The following PFDN1 variants were observed in gnomAD, a reference collection of about 807,000 sequenced individuals.
PFDN1 encodes prefoldin 1.
Under a neutral mutation model 17.3 loss-of-function variants are expected in PFDN1, and 6 were observed. That is an observed-to-expected ratio of 0.35 (90% confidence interval 0.19 to 0.69). PFDN1 has a LOEUF of 0.69. Among genes scored for constraint, PFDN1 ranks in the 30% least tolerant of loss-of-function variants. The pLI is 0.65. For missense variants in PFDN1, 113 were observed against 146.2 expected (o/e 0.77, Z 1.17); for synonymous variants, 58 against 50.1 (o/e 1.16, Z -0.67).
intron 2 of PFDN1, among the ~76,000 whole-genome samples, chr5:140,288,779 G>A (rs1008401156): frequency 6.6e-6 from 1 of 152,058 alleles, no homozygotes; most frequent in East Asian, 1.9e-4. Context: ...GAGGTCTGTA[G>A]TTCGACACCA....
chr5:140,277,280 TGA>T (rs1211649342), intron 3 of PFDN1, among the ~76,000 whole-genome samples: 1 of 151,102 alleles, frequency 6.6e-6, no homozygotes, highest in Non-Finnish European at 1.5e-5. Flanking sequence ...TGGTTTTACA[TGA>T]GAGAGTAATA....
At chr5:140,280,008 A>C (rs1174349667) in intron 3 of PFDN1, among the ~76,000 whole-genome samples, 1 of 143,604 alleles carries the variant, frequency 7.0e-6, no homozygotes, top group Non-Finnish European at 1.5e-5. Context: ...AAAAAAAAAA[A>C]AAAAACAAAA....
chr5:140,279,943 C>T (rs1231448589), intron 3 of PFDN1, among the ~76,000 whole-genome samples: 2 of 128,758 alleles, frequency 1.6e-5, no homozygotes, highest in African/African-American at 3.0e-5. Flanking sequence ...AGCAGTGAGC[C>T]GAGATCACAC....
At chr5:140,281,154 TG>T (rs1453446439) in intron 3 of PFDN1, 2 of 225,720 alleles carry the variant, frequency 8.9e-6, no homozygotes, top group African/African-American at 2.3e-5. Flanking sequence ...TTTATGGTTT[TG>T]TTTTTTTTAA....
rs767794566 is a variant in PFDN1, at chr5:140,300,519, G to A, written c.97C>T (p.Gln33Ter). 1.2e-6 allele frequency: 2 copies of A among 1,612,854 alleles called. No homozygotes were observed. Among genetic ancestry groups the A allele is most frequent in the Non-Finnish European group, 1.7e-6 (2 of 1,179,144 alleles). The change falls in exon 2 of 4, where the codon CAG (glutamine) becomes TAG (stop). Residue 33 changes from glutamine (Q) to a stop codon, truncating the protein, a stop_gained. Coordinates refer to ENST00000261813, the MANE Select transcript of PFDN1 (RefSeq NM_002622.5). LOFTEE classifies it high-confidence loss of function. Reference protein sequence around the residue: ...TQQKVKLADIQIEQLNRTKKH... With the variant: ...TQQKVKLADI ...TTCGTTCTGTTTAGCTGTTCAATCTGTATGTCTGCGAGCTTCACCTTCTGT... is the reference window on the plus strand; with the variant it reads ...TTCGTTCTGTTTAGCTGTTCAATCTATATGTCTGCGAGCTTCACCTTCTGT...
intron 3 of PFDN1, among the ~76,000 whole-genome samples, chr5:140,278,641 C>A (rs1321642584): frequency 6.6e-6 from 1 of 151,384 alleles, no homozygotes; most frequent in Non-Finnish European, 1.5e-5. Flanking sequence ...TGAGCACTTG[C>A]CCCCCCAACA....
Position 140,264,020 on chromosome 5 carries a change from C to CA in PFDN1, c.285+17428dup, listed in dbSNP as rs58605224. Among the ~76,000 whole-genome samples the CA allele has an allele frequency of 5.6e-3, 309 of 55,558 alleles. 76 individuals carry two copies. Among genetic ancestry groups the CA allele is most frequent in the Non-Finnish European group, 8.2e-3 (245 of 30,040 alleles). 36.4% of individuals were successfully genotyped at this position (55,558 alleles called of 152,430 possible). A position where few individuals can be genotyped will look rare whatever the true frequency, so the allele number is the denominator to read the frequency against. Reference sequence around the variant, plus strand: ...TGGGGGTCAGAGTGAGACTCCATCTCAAAAAAAAAAAAAAAAAAAAAAAAA... The same window carrying CA: ...TGGGGGTCAGAGTGAGACTCCATCTCAAAAAAAAAAAAAAAAAAAAAAAAAA... On this transcript the variant is annotated intron_variant, in intron 3 of 3. Transcript: ENST00000261813.
At chr5:140,283,110 C>T (rs927985441) in intron 2 of PFDN1, among the ~76,000 whole-genome samples, 3 of 152,208 alleles carry the variant, frequency 2.0e-5, no homozygotes, top group Non-Finnish European at 4.4e-5. Flanking sequence ...TGCCCCAACA[C>T]CTGGAAGGAA....
At chr5:140,262,495 C>T in intron 3 of PFDN1, 1 of 455,988 alleles carries the variant, frequency 2.2e-6, no homozygotes, top group South Asian at 1.5e-5. Context: ...GAATCCATGG[C>T]TATTAGAAAA....
chr5:140,284,105 T>G (rs1193548238), intron 2 of PFDN1, among the ~76,000 whole-genome samples: 3 of 152,000 alleles, frequency 2.0e-5, no homozygotes, highest in Non-Finnish European at 4.4e-5. Context: ...GAGCAGAAAA[T>G]AAAATTACTA....
chr5:140,262,941 A>G (rs1038580881), intron 3 of PFDN1, among the ~76,000 whole-genome samples: 6 of 152,226 alleles, frequency 3.9e-5, no homozygotes, highest in Non-Finnish European at 8.8e-5. Context: ...CTTGCTGGCA[A>G]TATGCTCAAT....
chr5:140,245,381 C>G lies in PFDN1; in HGVS notation c.*593G>C. On this transcript the variant is annotated 3_prime_UTR_variant, in exon 4 of 4. Coordinates refer to ENST00000261813, the MANE Select transcript of PFDN1 (RefSeq NM_002622.5). ...AAGGAATCTTTAGGCAGACTGCCATCCAGGGACTGCTATTCTGTTCACTGA... is the reference window on the plus strand; with the variant it reads ...AAGGAATCTTTAGGCAGACTGCCATGCAGGGACTGCTATTCTGTTCACTGA... The G allele has an allele frequency of 1.5e-6, 1 of 689,568 alleles. No homozygotes were observed. The highest frequency in any genetic ancestry group is 2.6e-6 in the Non-Finnish European group (1 of 377,872). 42.7% of individuals were successfully genotyped at this position (689,568 alleles called of 1,614,324 possible).
chr5:140,281,530 A>G lies in PFDN1; in HGVS notation c.204T>C (p.Phe68=). ...TNMYEGVGRM[F]ILQSKEAIHS... ...GAATTGCTTCCTTGGACTGAAGAAT[A>G]AACCTATGAAACACAAGAAAGTTGA... Residue 68 remains phenylalanine, a synonymous_variant, in exon 3 of 4, where the codon TTT becomes TTC. Coordinates refer to ENST00000261813, the MANE Select transcript of PFDN1 (RefSeq NM_002622.5). 6.5e-7 allele frequency: 1 copy of G among 1,533,130 alleles called. No homozygotes were observed. Among genetic ancestry groups the G allele is most frequent in the Non-Finnish European group, 9.0e-7 (1 of 1,107,698 alleles). The allele number at this position is 1,533,130 out of a possible 1,614,324, so 95.0% of individuals were successfully genotyped here.
At chr5:140,263,193 G>A (rs1392673960) in intron 3 of PFDN1, among the ~76,000 whole-genome samples, 2 of 152,200 alleles carry the variant, frequency 1.3e-5, no homozygotes, top group Non-Finnish European at 2.9e-5. Flanking sequence ...AAGGGGCTCG[G>A]CCCCTTCTGC....
chr5:140,272,468 C>G (rs1382838593), intron 3 of PFDN1, among the ~76,000 whole-genome samples: 1 of 149,598 alleles, frequency 6.7e-6, no homozygotes, highest in African/African-American at 2.5e-5. Context: ...TCAAGCAATT[C>G]TCGGCCTCAG....
At chr5:140,256,276 A>C in intron 3 of PFDN1, among the ~76,000 whole-genome samples, 1 of 151,938 alleles carries the variant, frequency 6.6e-6, no homozygotes. Flanking sequence ...GCACTTTGGG[A>C]AGCTGAGGCA....
chr5:140,300,212 G>C (rs139494586), intron 2 of PFDN1, among the ~76,000 whole-genome samples: 1 of 152,130 alleles, frequency 6.6e-6, no homozygotes, highest in East Asian at 2.0e-4. Flanking sequence ...GCTAATCTTT[G>C]TATTTGTGGT....
In PFDN1 at chr5:140,267,645, AACC is replaced by A. The variant is rs762705419; in HGVS notation, c.285+13801_285+13803del. ...AGACAGTAGCCAGGGCTGGCCTTAG[AACC>A]ACCTCCCGCTTATTTGTTATTTTTA... On this transcript the variant is annotated intron_variant, in intron 3 of 3. Coordinates refer to ENST00000261813, the MANE Select transcript of PFDN1 (RefSeq NM_002622.5). Among the ~76,000 whole-genome samples, 1,408 of 152,272 alleles carry A rather than the reference AACC, an allele frequency of 9.2e-3. 15 individuals carry two copies. Among genetic ancestry groups the A allele is most frequent in the South Asian group, 0.018 (85 of 4,818 alleles).
In PFDN1 at chr5:140,286,824, C is replaced by T. The variant is rs148806748; in HGVS notation, c.201-5291G>A. 1.5e-3 allele frequency among the ~76,000 whole-genome samples: 221 copies of T among 152,046 alleles called. 2 individuals are homozygous for T. Among genetic ancestry groups the T allele is most frequent in the African/African-American group, 5.1e-3 (211 of 41,462 alleles). Reference sequence around the variant, plus strand: ...TTTACCATGTTGTCCAGGCTAGTCTCGAACTCCTGACCTCAGGGGATCCAA... The same window carrying T: ...TTTACCATGTTGTCCAGGCTAGTCTTGAACTCCTGACCTCAGGGGATCCAA... On this transcript the variant is annotated intron_variant, in intron 2 of 3. Coordinates refer to ENST00000261813, the MANE Select transcript of PFDN1 (RefSeq NM_002622.5).
Sources: allele counts gnomAD v4.1 joint callset (sites outside exome capture counted in the v4.1 genomes callset), GRCh38; gene constraint gnomAD v4.1.1; transcripts MANE v1.5; gene names NCBI Gene and HGNC (gene_info 2026-07-23, HGNC 2026-07-21).